Variants in TERT observed in about 807,000 individuals in gnomAD.
TERT encodes telomerase reverse transcriptase.
Under a neutral mutation model 104.0 loss-of-function variants are expected in TERT, and 42 were observed. That is an observed-to-expected ratio of 0.40 (90% CI 0.32 to 0.52). The LOEUF (loss-of-function observed/expected upper bound fraction) is 0.52. TERT is among the 20% of genes least tolerant of loss of function. TERT has a pLI of 0.43. For synonymous variants in TERT, 781 were observed against 725.6 expected (o/e 1.08, Z -1.23); for missense variants, 1,101 against 1,610.3 (o/e 0.68, Z 5.41).
Position 1,288,982 on chromosome 5 carries a change from C to T in TERT, c.1573+4331G>A, listed in dbSNP as rs938906861. Among the ~76,000 whole-genome samples, 23 of 152,182 alleles carry T rather than the reference C, an allele frequency of 1.5e-4. No individual in the cohort carries two copies. Among genetic ancestry groups the T allele is most frequent in the Non-Finnish European group, 1.3e-4 (9 of 68,024 alleles). ...CTTGGGGACCAGCACTGCGCCTGCA[C>T]CATCTACCCAGGCAATGGGCAACCG... On this transcript the variant is annotated intron_variant, in intron 2 of 15. Coordinates refer to ENST00000310581, the MANE Select transcript of TERT (RefSeq NM_198253.3). This position sits in a 1 kb window ranked among gnomAD's most constrained non-coding sequence, Gnocchi z 5.3.
Position 1,288,387 on chromosome 5 carries a change from A to C in TERT, c.1573+4926T>G, listed in dbSNP as rs1005485949. On this transcript the variant is annotated intron_variant, in intron 2 of 15. Transcript: ENST00000310581. The surrounding 1 kb of genome is among the most constrained non-coding windows in gnomAD (Gnocchi z 5.3). ...GAGATAGAAACGTCAGAGGTAAATCAGTGAAATTCAAAACTAAGACCCAAG... is the reference window on the plus strand; with the variant it reads ...GAGATAGAAACGTCAGAGGTAAATCCGTGAAATTCAAAACTAAGACCCAAG... Among the ~76,000 whole-genome samples the C allele has an allele frequency of 6.6e-6, 1 of 152,214 alleles. No individual in the cohort carries two copies. The highest frequency in any genetic ancestry group is 2.4e-5 in the African/African-American group (1 of 41,452).
At chr5:1,280,062 T>C in intron 4 of TERT, 96 bp downstream of exon 4, 3 of 1,488,772 alleles carry the variant, frequency 2.0e-6, no homozygotes, top group South Asian at 1.1e-5. Flanking sequence ...CTGTGTCCCG[T>C]GGCCCCTCCT....
rs573210043 is a variant in TERT, at chr5:1,293,745, G to A, written c.1141C>T (p.Arg381Cys). Residue 381 changes from arginine (R) to cysteine (C), a missense_variant, in exon 2 of 16, where the codon CGC becomes TGC. Around this residue, in one of 5 missense-constraint regions of TERT, gnomAD observed 504 missense variants for 544.6 expected, o/e 0.93. Transcript: ENST00000310581. The part of the protein sequence containing the change: ...WMPGTPRRLP[R>C]LPQRYWQMRP... ...ATTTGCCAGTAGCGCTGGGGCAGGCGGGGCAACCTGCGGGGAGTCCCTGGC... is the reference window on the plus strand; with the variant it reads ...ATTTGCCAGTAGCGCTGGGGCAGGCAGGGCAACCTGCGGGGAGTCCCTGGC... The A allele has an allele frequency of 3.2e-6, 5 of 1,563,710 alleles. No homozygotes were observed. Among genetic ancestry groups the A allele is most frequent in the East Asian group, 2.3e-5 (1 of 42,566 alleles).
chr5:1,259,791 A>G (rs1320469120), intron 12 of TERT, among the ~76,000 whole-genome samples: 22 of 133,092 alleles, frequency 1.7e-4, no homozygotes, highest in African/African-American at 6.5e-4. Flanking sequence ...CCCACAGGAG[A>G]GAGGGAGTGG....
At chr5:1,289,918 G>A (rs867463036) in intron 2 of TERT, among the ~76,000 whole-genome samples, 152 of 49,624 alleles carry the variant, frequency 3.1e-3, no homozygotes, top group Non-Finnish European at 3.6e-3. Context: ...AGGGACACCC[G>A]GGGGCCGTGC....
Position 1,294,843 on chromosome 5 carries a change from C to T in TERT, c.147G>A (p.Ala49=), listed in dbSNP as rs1279270618. 4.8e-6 allele frequency: 7 copies of T among 1,461,010 alleles called. No homozygotes were observed. The East Asian group carries it at 2.0e-4, about 42-fold the overall frequency. 90.5% of individuals were successfully genotyped at this position (1,461,010 alleles called of 1,614,324 possible). ...CGCACACCAGGCACTGGGCCACCAG[C>T]GCGCGGAAAGCCGCCGGGTCCCCGC... The part of the protein sequence containing the change: ...VQRGDPAAFR[A]LVAQCLVCVP... The change falls in exon 1 of 16, where the codon GCG becomes GCA. Residue 49 remains alanine, a synonymous_variant. Transcript: ENST00000310581.
At chr5:1,279,870 C>T (rs575953597) in intron 4 of TERT, among the ~76,000 whole-genome samples, 2 of 152,332 alleles carry the variant, frequency 1.3e-5, no homozygotes, top group East Asian at 1.9e-4. Flanking sequence ...CAGCAGGACA[C>T]GGATCCAGGA....
chr5:1,254,621 C>T (rs572022689), intron 14 of TERT, 116 bp from the exon 15 acceptor site: 35 of 1,248,548 alleles, frequency 2.8e-5, no homozygotes, highest in South Asian at 4.2e-5. Context: ...CTGGCTGTCC[C>T]GACCCAAGCA....
chr5:1,254,293 T>C, intron 15 of TERT, 75 bp downstream of exon 15: 2 of 1,604,162 alleles, frequency 1.2e-6, no homozygotes, highest in South Asian at 2.2e-5. Flanking sequence ...CATCTGAGGC[T>C]GCTCGCCCCA....
rs1748564189 is a variant in TERT at position 1,265,917 on chromosome 5, A to T, written c.2654+547T>A. ...GATTTTAGTTTGATTCACAAAAATC[A>T]ACTCTGAAACCCACTCCTAGCCATC... On this transcript the variant is annotated intron_variant, in intron 10 of 15. Coordinates refer to ENST00000310581, the MANE Select transcript of TERT (RefSeq NM_198253.3). This position sits in a 1 kb window ranked among gnomAD's most constrained non-coding sequence, Gnocchi z 6.9. 6.6e-6 allele frequency among the ~76,000 whole-genome samples: 1 copy of T among 152,196 alleles called. No homozygotes were observed.
chr5:1,273,341 A>G (rs1579567219), intron 6 of TERT, among the ~76,000 whole-genome samples: 1 of 11,482 alleles, frequency 8.7e-5, no homozygotes, highest in Non-Finnish European at 1.2e-4. Flanking sequence ...CACACATCAG[A>G]CCCCACGACC....
In TERT at chr5:1,268,549, G is replaced by A. The variant is rs1388291484; in HGVS notation, c.2553C>T (p.Asn851=). 1.2e-6 allele frequency: 2 copies of A among 1,613,440 alleles called. No individual in the cohort carries two copies. The highest frequency in any genetic ancestry group is 4.5e-5 in the East Asian group (2 of 44,890). ...CCCGCCGAATCCCCGCAAACAGCTT[G>A]TTCTCCATGTCGCCGTAGCACAGGC... The part of the protein sequence containing the change: ...LCSLCYGDME[N]KLFAGIRRDG... The change falls in exon 9 of 16, where the codon AAC becomes AAT. Residue 851 remains asparagine (N), a synonymous_variant. Transcript: ENST00000310581. The surrounding 1 kb of genome is among the most constrained non-coding windows in gnomAD (Gnocchi z 5.5).
chr5:1,291,036 C>T (rs190623472), intron 2 of TERT, among the ~76,000 whole-genome samples: 1 of 120,474 alleles, frequency 8.3e-6, no homozygotes. Context: ...TCACCCTGCA[C>T]GGGACAGGGA....
At position 1,287,506 on chromosome 5, in the gene TERT, AAAATAT is replaced by A. The variant is rs1239015440; in HGVS notation, c.1574-4888_1574-4883del. Among the ~76,000 whole-genome samples, 58 of 130,240 alleles carry A rather than the reference AAAATAT, an allele frequency of 4.5e-4. No individual in the cohort carries two copies. The highest frequency in any genetic ancestry group is 1.4e-3 in the Admixed American group (17 of 12,212). The allele number at this position is 130,240 out of a possible 152,430, so 85.4% of individuals were successfully genotyped here. ...GACCAAGACTCTGTCTCAAAAAAAA[AAAATAT>A]ATATATATATATATAAATTAAAGGC... On this transcript the variant is annotated intron_variant, in intron 2 of 15. Coordinates refer to ENST00000310581, the MANE Select transcript of TERT (RefSeq NM_198253.3). This position sits in a 1 kb window ranked among gnomAD's most constrained non-coding sequence, Gnocchi z 4.3.
At chr5:1,283,284 C>T (rs2853678) in intron 2 of TERT, among the ~76,000 whole-genome samples, 2 of 127,944 alleles carry the variant, frequency 1.6e-5, no homozygotes, top group South Asian at 2.7e-4. Flanking sequence ...CAGGGCCTGG[C>T]GACCTCACGC....
intron 2 of TERT, among the ~76,000 whole-genome samples, chr5:1,284,042 C>A (rs1750276344): frequency 6.7e-6 from 1 of 148,508 alleles, no homozygotes; most frequent in Admixed American, 6.7e-5. Flanking sequence ...GGACCTGCAC[C>A]ATCCGGATAC....
chr5:1,255,489 G>A lies in TERT; in HGVS notation c.3033-78C>T, dbSNP rs1031891116. The A allele has an allele frequency of 2.0e-5, 32 of 1,584,788 alleles. No individual in the cohort carries two copies. The highest frequency in any genetic ancestry group is 8.1e-5 in the African/African-American group (6 of 74,472). ...TCGTGGGTGTGGGCATGGGCCCACC[G>A]GTGCCTGTGTGCGTGCATGAATGCA... On this transcript the variant is annotated intron_variant, in intron 13 of 15. Coordinates refer to ENST00000310581, the MANE Select transcript of TERT (RefSeq NM_198253.3). This position sits in a 1 kb window ranked among gnomAD's most constrained non-coding sequence, Gnocchi z 6.9.
In TERT at chr5:1,295,034, C is replaced by A. The variant is rs1751308130; in HGVS notation, c.-45G>T. ...AGGGCTTCCCACGTGCGCAGCAGGACGCAGCGCTGCCTGAAACTCGCGCCG... is the reference window on the plus strand; with the variant it reads ...AGGGCTTCCCACGTGCGCAGCAGGAAGCAGCGCTGCCTGAAACTCGCGCCG... On this transcript the variant is annotated 5_prime_UTR_variant, in exon 1 of 16. Coordinates refer to ENST00000310581, the MANE Select transcript of TERT (RefSeq NM_198253.3). 4.9e-6 allele frequency: 6 copies of A among 1,224,982 alleles called. No homozygotes were observed. The highest frequency in any genetic ancestry group is 6.2e-6 in the Non-Finnish European group (6 of 970,086). 75.9% of individuals were successfully genotyped at this position (1,224,982 alleles called of 1,614,324 possible). A position where few individuals can be genotyped will look rare whatever the true frequency, so the allele number is the denominator to read the frequency against.
intron 10 of TERT, 53 bp downstream of exon 10, chr5:1,266,411 T>C (rs1748604992): frequency 6.7e-7 from 1 of 1,501,864 alleles, no homozygotes. Context: ...GGGGCTCAAC[T>C]GCAAAGCCCA....
Sources: gnomAD v4.1 joint callset for allele counts (sites outside exome capture counted in the v4.1 genomes callset) on GRCh38, gnomAD v4.1.1 for gene constraint, gnomAD v4.1.1 regional missense constraint, Gnocchi (gnomAD v3.1) non-coding constraint, MANE v1.5 for transcripts, NCBI Gene and HGNC (gene_info 2026-07-23, HGNC 2026-07-21) for gene names.